Variants in ATE1 observed in about 807,000 individuals in gnomAD.
The protein encoded by ATE1 is arginyl-tRNA--protein transferase 1.
Under a neutral mutation model 70.5 loss-of-function variants are expected in ATE1, and 36 were observed. The ratio of observed to expected loss-of-function variants is 0.51; its 90% CI spans 0.39 to 0.67. The LOEUF (loss-of-function observed/expected upper bound fraction) is 0.67, where lower values mean the gene tolerates loss of function less well. Among genes scored for constraint, ATE1 ranks in the 30% least tolerant of loss-of-function variants. The probability of loss-of-function intolerance (pLI) is 0.00; values close to 1 mark genes in which losing one functional copy is unlikely to be tolerated. For synonymous variants in ATE1, 232 were observed against 219.3 expected, an observed-to-expected ratio of 1.06 and a Z score of -0.51; for missense variants, 593 against 629.5, an observed-to-expected ratio of 0.94 and a Z score of 0.62.
chr10:121,870,201 T>C (rs1949802696), intron 7 of ATE1, among the ~76,000 whole-genome samples, 163 bp from the exon 8 acceptor site: 4 of 152,206 alleles, frequency 2.6e-5, no homozygotes, highest in African/African-American at 7.2e-5. Context: ...ATCCAGAGAA[T>C]AGAAAGGTTC....
rs375739949 is a variant in ATE1 at position 121,755,426 on chromosome 10, C to T, written c.1379-11568G>A. ...AAGTGATAAGGCAAATGTGGTAACA[C>T]GTTAATAACTGGGGAGTCTGAGTGA... is the stretch of plus-strand genomic sequence containing the variant. On this transcript the variant is annotated intron_variant, in intron 11 of 11. Transcript: ENST00000224652. Among the ~76,000 whole-genome samples the T allele has an allele frequency of 4.4e-4, 67 of 152,260 alleles. No homozygotes were observed. In the South Asian group the frequency reaches 0.012, roughly 27 times the overall value.
chr10:121,907,517 G>A (rs1161069434), intron 5 of ATE1, among the ~76,000 whole-genome samples: 1 of 151,974 alleles, frequency 6.6e-6, no homozygotes, highest in Non-Finnish European at 1.5e-5. Flanking sequence ...GTTCACACCT[G>A]TAATCCCAGC....
At chr10:121,841,650 G>A (rs1438478780) in intron 8 of ATE1, among the ~76,000 whole-genome samples, 2 of 152,160 alleles carry the variant, frequency 1.3e-5, no homozygotes, top group African/African-American at 2.4e-5. Context: ...ATTATTCTAA[G>A]TGAAGTCACC....
intron 10 of ATE1, among the ~76,000 whole-genome samples, chr10:121,795,136 T>C (rs1946611682): frequency 6.6e-6 from 1 of 151,974 alleles, no homozygotes; most frequent in Non-Finnish European, 1.5e-5. Context: ...TAATCCCAGC[T>C]CCTCTGGAGG....
At chr10:121,920,711 T>C (rs1297960090) in intron 3 of ATE1, among the ~76,000 whole-genome samples, 2 of 152,096 alleles carry the variant, frequency 1.3e-5, no homozygotes, top group African/African-American at 2.4e-5. Context: ...AACTGGACTC[T>C]GGGCCAGGTG....
chr10:121,815,228 C>T (rs1281800610), intron 10 of ATE1, among the ~76,000 whole-genome samples: 1 of 152,194 alleles, frequency 6.6e-6, no homozygotes, highest in Admixed American at 6.5e-5. Context: ...CTCCGCCTCC[C>T]GGGTTCACGC....
chr10:121,769,731 T>C (rs1945423180), intron 11 of ATE1, among the ~76,000 whole-genome samples: 1 of 152,166 alleles, frequency 6.6e-6, no homozygotes, highest in Non-Finnish European at 1.5e-5. Flanking sequence ...CTGATGGGGA[T>C]TAATGGACGG....
At chr10:121,867,785 T>TTTTATATGTG in intron 8 of ATE1, among the ~76,000 whole-genome samples, 1 of 152,362 alleles carries the variant, frequency 6.6e-6, no homozygotes, top group South Asian at 2.1e-4. Flanking sequence ...ATCAAATGTA[T>TTTTATATGTG]TTTATATGTG....
chr10:121,763,286 T>C (rs1945131779), intron 11 of ATE1, among the ~76,000 whole-genome samples: 1 of 152,222 alleles, frequency 6.6e-6, no homozygotes, highest in African/African-American at 2.4e-5. Flanking sequence ...TGAAAACTTA[T>C]GTCTATACAA....
chr10:121,840,636 G>C (rs200328370), intron 9 of ATE1, among the ~76,000 whole-genome samples: 2 of 151,948 alleles, frequency 1.3e-5, no homozygotes, highest in East Asian at 3.9e-4. Flanking sequence ...TAAAAAGCTA[G>C]AGAATTACCA....
At chr10:121,823,010 G>A (rs145357913) in intron 10 of ATE1, among the ~76,000 whole-genome samples, 9 of 152,224 alleles carry the variant, frequency 5.9e-5, no homozygotes, top group African/African-American at 1.9e-4. Context: ...GAAGAGGTCG[G>A]CCAGGCATGG....
intron 10 of ATE1, among the ~76,000 whole-genome samples, chr10:121,834,845 G>A (rs948443976): frequency 6.6e-6 from 1 of 152,174 alleles, no homozygotes; most frequent in Non-Finnish European, 1.5e-5. Flanking sequence ...ACATAAAAGT[G>A]AAATCTGTGC....
Position 121,753,089 on chromosome 10 carries a change from T to C in ATE1, c.1379-9231A>G, listed in dbSNP as rs193193704. On this transcript the variant is annotated intron_variant, in intron 11 of 11. Coordinates refer to ENST00000224652, the MANE Select transcript of ATE1 (RefSeq NM_001001976.3). Reference sequence around the variant, plus strand: ...CTGTTAAATTTATTCCTAACAATTCTATTTTAATGCTGTTGTAAACGCAAC... The same window carrying C: ...CTGTTAAATTTATTCCTAACAATTCCATTTTAATGCTGTTGTAAACGCAAC... Among the ~76,000 whole-genome samples the C allele has an allele frequency of 1.2e-4, 19 of 152,368 alleles. No homozygotes were observed. The East Asian group carries it at 3.7e-3, about 29-fold the overall frequency.
chr10:121,924,618 T>C (rs1952013547), intron 1 of ATE1, among the ~76,000 whole-genome samples: 1 of 149,358 alleles, frequency 6.7e-6, no homozygotes, highest in South Asian at 2.1e-4. Context: ...GAGAATCACA[T>C]GAACTCGGGA....
intron 7 of ATE1, among the ~76,000 whole-genome samples, chr10:121,874,847 A>G (rs1949981480): frequency 6.6e-6 from 1 of 151,540 alleles, no homozygotes; most frequent in Non-Finnish European, 1.5e-5. Flanking sequence ...CTACTAAAAC[A>G]TACAAAAAAT....
At chr10:121,792,705 C>T (rs143060341) in intron 10 of ATE1, among the ~76,000 whole-genome samples, 83 of 152,256 alleles carry the variant, frequency 5.5e-4, no homozygotes, top group African/African-American at 1.9e-3. Context: ...GGGGAAAGGA[C>T]ATGAATCAGA....
chr10:121,806,665 C>T lies in ATE1; in HGVS notation c.1258-16376G>A, dbSNP rs565495398. Among the ~76,000 whole-genome samples the T allele has an allele frequency of 2.1e-3, 327 of 152,234 alleles. 4 individuals carry two copies. Among genetic ancestry groups the T allele is most frequent in the African/African-American group, 6.7e-3 (280 of 41,546 alleles). On this transcript the variant is annotated intron_variant, in intron 10 of 11. Coordinates refer to ENST00000224652, the MANE Select transcript of ATE1 (RefSeq NM_001001976.3). Reference sequence around the variant, plus strand: ...GTGAGAATATCCTTGTTCTCAGATCCAAGCTGATGTACTTGGGGGTGAAAT... The same window carrying T: ...GTGAGAATATCCTTGTTCTCAGATCTAAGCTGATGTACTTGGGGGTGAAAT...
At chr10:121,894,196 GAAATGGAAGTA>G (rs1164147952) in intron 7 of ATE1, among the ~76,000 whole-genome samples, 1 of 150,212 alleles carries the variant, frequency 6.7e-6, no homozygotes, top group Admixed American at 6.6e-5. Context: ...CGAGGAAATG[GAAATGGAAGTA>G]AAATGGAAGG....
At chr10:121,832,105 G>T (rs1391679594) in intron 10 of ATE1, among the ~76,000 whole-genome samples, 14 of 152,128 alleles carry the variant, frequency 9.2e-5, no homozygotes, top group African/African-American at 3.4e-4. Flanking sequence ...CAGTTTGTGG[G>T]ATAAGTAGGA....
Sources: gnomAD v4.1 joint callset for allele counts (sites outside exome capture counted in the v4.1 genomes callset) on GRCh38, gnomAD v4.1.1 for gene constraint, MANE v1.5 for transcripts, NCBI Gene and HGNC (gene_info 2026-07-23, HGNC 2026-07-21) for gene names.